Variants in RBFOX1 observed in about 807,000 individuals in gnomAD.
RBFOX1 encodes the protein RNA binding protein fox-1 homolog 1.
RBFOX1 carries 8 observed loss-of-function variants against 57.7 expected under a neutral mutation model. The ratio of observed to expected loss-of-function variants is 0.14; its 90% CI spans 0.08 to 0.25. RBFOX1 has a LOEUF of 0.25. Among genes scored for constraint, RBFOX1 ranks in the 10% least tolerant of loss-of-function variants. The probability of loss-of-function intolerance (pLI) is 1.00; values close to 1 mark genes in which losing one functional copy is unlikely to be tolerated. For missense variants in RBFOX1, 611 were observed against 548.5 expected, an observed-to-expected ratio of 1.11 and a Z score of -1.14; for synonymous variants, 326 against 222.4, an observed-to-expected ratio of 1.47 and a Z score of -4.15.
chr16:6,957,652 C>G (rs546302524), intron 3 of RBFOX1, among the ~76,000 whole-genome samples: 6 of 152,234 alleles, frequency 3.9e-5, no homozygotes, highest in African/African-American at 1.4e-4. Flanking sequence ...TGCCGACATC[C>G]TGTCTCATCT....
intron 2 of RBFOX1, among the ~76,000 whole-genome samples, chr16:5,594,131 A>G (rs1338946990): frequency 6.6e-6 from 1 of 151,910 alleles, no homozygotes; most frequent in East Asian, 1.9e-4. Flanking sequence ...CCCACCTCTG[A>G]CCCCACACCC....
chr16:7,318,935 A>C (rs1388353913), intron 4 of RBFOX1, among the ~76,000 whole-genome samples: 1 of 152,162 alleles, frequency 6.6e-6, no homozygotes, highest in Non-Finnish European at 1.5e-5. Flanking sequence ...CACTAGCCAG[A>C]ATGATAAATA....
intron 3 of RBFOX1, among the ~76,000 whole-genome samples, chr16:5,756,127 G>A (rs548544113): frequency 6.7e-6 from 1 of 149,292 alleles, no homozygotes; most frequent in African/African-American, 2.5e-5. Context: ...TACAGGTGGT[G>A]CCTCAGGGAC....
intron 4 of RBFOX1, among the ~76,000 whole-genome samples, chr16:7,499,480 G>T (rs928760518): frequency 8.4e-6 from 1 of 119,306 alleles, no homozygotes; most frequent in Non-Finnish European, 1.9e-5. Flanking sequence ...TTGAAAATAA[G>T]ACAATTCAAC....
rs544371852 is a variant in RBFOX1, at chr16:6,944,763, C to T, written c.-15-107294C>T. Among the ~76,000 whole-genome samples the T allele has an allele frequency of 4.9e-4, 75 of 152,238 alleles. 1 individual carries two copies. Among genetic ancestry groups the T allele is most frequent in the African/African-American group, 1.7e-3 (71 of 41,548 alleles). On this transcript the variant is annotated intron_variant, in intron 3 of 15. Coordinates refer to ENST00000550418, the MANE Select transcript of RBFOX1 (RefSeq NM_018723.4). ...TGGATAAAGTCCTGTTGCCATAGTA[C>T]CCTCATATGGGTGTATCTCATCTAT...
chr16:7,068,066 C>G (rs534221866), intron 4 of RBFOX1, among the ~76,000 whole-genome samples: 27 of 149,988 alleles, frequency 1.8e-4, no homozygotes, highest in Non-Finnish European at 3.7e-4. Flanking sequence ...TCTGTTGTAT[C>G]TGTCGGACTG....
chr16:6,705,050 C>G lies in RBFOX1; in HGVS notation c.-16+50400C>G, dbSNP rs370047564. On this transcript the variant is annotated intron_variant, in intron 3 of 15. Coordinates refer to ENST00000550418, the MANE Select transcript of RBFOX1 (RefSeq NM_018723.4). ...TGTGGATTTTTTTTTAATGCCCCAA[C>G]CAGATGCACTAAGCAGCTTGATGGT... 4 of 152,166 alleles carry G rather than the reference C, an allele frequency of 2.6e-5. No homozygotes were observed. In the East Asian group the frequency reaches 7.7e-4, roughly 29 times the overall value. 9.4% of individuals were successfully genotyped at this position (152,166 alleles called of 1,614,324 possible). A position where few individuals can be genotyped will look rare whatever the true frequency, so the allele number is the denominator to read the frequency against.
chr16:7,050,714 C>T (rs1179096890), intron 3 of RBFOX1, among the ~76,000 whole-genome samples: 1 of 152,108 alleles, frequency 6.6e-6, no homozygotes, highest in Non-Finnish European at 1.5e-5. Context: ...AACTATGTTT[C>T]TAAATGGTAC....
chr16:7,237,238 A>G (rs1017471844), intron 4 of RBFOX1, among the ~76,000 whole-genome samples: 4 of 152,338 alleles, frequency 2.6e-5, no homozygotes, highest in South Asian at 4.1e-4. Context: ...CCAGAAGACC[A>G]CATGCTGGAT....
intron 1 of RBFOX1, among the ~76,000 whole-genome samples, chr16:6,085,124 G>T (rs1458698870): frequency 6.6e-6 from 1 of 152,056 alleles, no homozygotes; most frequent in African/African-American, 2.4e-5. Flanking sequence ...TTCCTTCAGG[G>T]GCTTATTTCT....
chr16:6,685,308 C>T (rs963340885), intron 3 of RBFOX1, among the ~76,000 whole-genome samples: 1 of 133,104 alleles, frequency 7.5e-6, no homozygotes, highest in Non-Finnish European at 1.6e-5. Context: ...TGGAGTCTCA[C>T]CCTGTTGCCC....
intron 3 of RBFOX1, among the ~76,000 whole-genome samples, chr16:6,712,663 T>C (rs1476778443): frequency 1.3e-5 from 2 of 152,130 alleles, no homozygotes; most frequent in Middle Eastern, 3.2e-3. Flanking sequence ...GGCACTCTGA[T>C]AGGCATGGCA....
At chr16:5,256,487 C>T (rs562952574) in intron 1 of RBFOX1, among the ~76,000 whole-genome samples, 20 of 152,324 alleles carry the variant, frequency 1.3e-4, no homozygotes, top group African/African-American at 4.8e-4. Context: ...ATCTGCTTCT[C>T]TCCCAGGACT....
At chr16:6,275,474 G>C (rs752999108) in intron 1 of RBFOX1, among the ~76,000 whole-genome samples, 1 of 152,136 alleles carries the variant, frequency 6.6e-6, no homozygotes, top group Non-Finnish European at 1.5e-5. Context: ...TAACTACCCC[G>C]TGGAATAGTA....
At chr16:6,737,637 G>C (rs1041376927) in intron 3 of RBFOX1, among the ~76,000 whole-genome samples, 2 of 152,140 alleles carry the variant, frequency 1.3e-5, no homozygotes, top group African/African-American at 4.8e-5. Flanking sequence ...AATACAGTTG[G>C]GAAGAGTGAA....
intron 3 of RBFOX1, among the ~76,000 whole-genome samples, chr16:5,779,744 T>A (rs888209634): frequency 2.6e-5 from 4 of 152,160 alleles, no homozygotes; most frequent in Non-Finnish European, 4.4e-5. Context: ...ATATTTGGCC[T>A]TGGCTGCAGA....
rs183037403 is a variant in RBFOX1, at chr16:6,177,007, G to T, written c.-126-139988G>T. ...ATGGATGGTAACCATTCCAAGTGGA[G>T]ATATGTCAGCTCCTGTCTGCATCCA... On this transcript the variant is annotated intron_variant, in intron 1 of 15. Transcript: ENST00000550418. 1.8e-3 allele frequency among the ~76,000 whole-genome samples: 271 copies of T among 152,242 alleles called. 1 individual carries two copies. The highest frequency in any genetic ancestry group is 0.014 in the Admixed American group (213 of 15,284).
chr16:7,021,514 T>C (rs1292227601), intron 3 of RBFOX1, among the ~76,000 whole-genome samples: 1 of 145,872 alleles, frequency 6.9e-6, no homozygotes, highest in East Asian at 2.0e-4. Context: ...AAATATTATA[T>C]TTTATAAAAT....
At chr16:6,188,824 G>A (rs887580194) in intron 1 of RBFOX1, among the ~76,000 whole-genome samples, 1 of 152,182 alleles carries the variant, frequency 6.6e-6, no homozygotes, top group African/African-American at 2.4e-5. Context: ...AGCACATACA[G>A]TTCATTTTTA....
Sources: gnomAD v4.1 joint callset for allele counts (sites outside exome capture counted in the v4.1 genomes callset) on GRCh38, gnomAD v4.1.1 for gene constraint, MANE v1.5 for transcripts, NCBI Gene and HGNC (gene_info 2026-07-23, HGNC 2026-07-21) for gene names.